Variants in MOCOS observed in about 807,000 individuals in gnomAD.
MOCOS encodes human molybdenum cofactor sulfurase.
Under a neutral mutation model 83.6 loss-of-function variants are expected in MOCOS, and 86 were observed. The observed-to-expected ratio is 1.03, with a 90% CI of 0.86 to 1.23. MOCOS has a LOEUF of 1.23. Among genes scored for constraint, MOCOS ranks in the 50% most tolerant of loss-of-function variants. The pLI, the probability that MOCOS is intolerant of heterozygous loss-of-function variation, is 0.00. For synonymous variants in MOCOS, 445 were observed against 434.7 expected, an observed-to-expected ratio of 1.02 and a Z score of -0.29; for missense variants, 1,120 against 1,126.9, an observed-to-expected ratio of 0.99 and a Z score of 0.09.
intron 11 of MOCOS, 149 bp downstream of exon 11, chr18:36,251,432 G>A: frequency 9.1e-7 from 1 of 1,104,324 alleles, no homozygotes; most frequent in South Asian, 1.3e-5. Flanking sequence ...TACTGCAGTA[G>A]CCCCAGGTCA....
intron 12 of MOCOS, 76 bp downstream of exon 12, chr18:36,257,149 G>A (rs1482012706): frequency 8.0e-7 from 1 of 1,255,648 alleles, no homozygotes; most frequent in African/African-American, 1.5e-5. Flanking sequence ...CACCTGCCTG[G>A]AGCGGAGAGA....
intron 8 of MOCOS, among the ~76,000 whole-genome samples, chr18:36,217,719 A>C (rs1057455711): frequency 2.6e-5 from 4 of 152,198 alleles, no homozygotes; most frequent in Non-Finnish European, 5.9e-5. Context: ...ATCCTTGCTA[A>C]AATAAAGGTT....
chr18:36,201,663 C>CAAAAAAAAAAAAAAAAAAAA (rs200846253), intron 4 of MOCOS, among the ~76,000 whole-genome samples: 2 of 69,444 alleles, frequency 2.9e-5, no homozygotes, highest in Non-Finnish European at 5.5e-5. Context: ...ACTCCATCTC[C>CAAAAAAAAAAAAAAAAAAAA]AAAAAAAAAA....
chr18:36,214,823 T>C (rs1272618571), intron 7 of MOCOS, among the ~76,000 whole-genome samples: 1 of 152,206 alleles, frequency 6.6e-6, no homozygotes, highest in African/African-American at 2.4e-5. Flanking sequence ...TTTGGTCCTA[T>C]GGAACGCTGT....
At chr18:36,196,734 T>C (rs138297445) in intron 2 of MOCOS, among the ~76,000 whole-genome samples, 7 of 151,872 alleles carry the variant, frequency 4.6e-5, no homozygotes, top group African/African-American at 1.7e-4. Flanking sequence ...AGAGTTGAGA[T>C]TGCAGGTGGT....
chr18:36,202,294 ATAAT>A (rs1249837320), intron 4 of MOCOS, among the ~76,000 whole-genome samples: 9 of 28,912 alleles, frequency 3.1e-4, no homozygotes, highest in African/African-American at 1.1e-3. Flanking sequence ...TGATCAATAA[ATAAT>A]TGTCAATCAA....
chr18:36,225,991 C>T (rs926952918), intron 9 of MOCOS, among the ~76,000 whole-genome samples: 10 of 150,572 alleles, frequency 6.6e-5, no homozygotes, highest in Non-Finnish European at 8.8e-5. Flanking sequence ...GAGAAAGATC[C>T]GTGTGTGCCT....
rs2091346501 is a variant in MOCOS at position 36,187,630 on chromosome 18, G to A, written c.91G>A (p.Gly31Ser). 2 of 1,250,256 alleles carry A rather than the reference G, an allele frequency of 1.6e-6. No homozygotes were observed. The highest frequency in any genetic ancestry group is 2.0e-6 in the Non-Finnish European group (2 of 997,012). 77.4% of individuals were successfully genotyped at this position (1,250,256 alleles called of 1,614,324 possible). A position where few individuals can be genotyped will look rare whatever the true frequency, so the allele number is the denominator to read the frequency against. ...PSAPRLAYGYGPGSLRELRAR... is the reference protein window; with the variant it reads ...PSAPRLAYGYSPGSLRELRAR... ...CGCACCGCGGCTAGCCTACGGCTACGGCCCGGGCAGCCTGCGCGAGCTGCG... is the reference window on the plus strand; with the variant it reads ...CGCACCGCGGCTAGCCTACGGCTACAGCCCGGGCAGCCTGCGCGAGCTGCG... Residue 31 changes from glycine (G) to serine (S), a missense_variant, in exon 1 of 15, where the codon GGC becomes AGC. Gly to Ser is a moderately conservative substitution (Grantham distance 56). Transcript: ENST00000261326.
intron 9 of MOCOS, among the ~76,000 whole-genome samples, chr18:36,220,485 G>T (rs111740027): frequency 1.3e-5 from 2 of 152,238 alleles, no homozygotes; most frequent in African/African-American, 4.8e-5. Context: ...TTCCGGCCTG[G>T]GCGACAGAGC....
In MOCOS at chr18:36,248,950, G is replaced by T; in HGVS notation, c.1989G>T (p.Glu663Asp). 2 of 1,614,138 alleles carry T rather than the reference G, an allele frequency of 1.2e-6. No homozygotes were observed. Among genetic ancestry groups the T allele is most frequent in the African/African-American group, 1.3e-5 (1 of 75,032 alleles). ...KGMEPIEVPL[E>D]ENSERTQIRQ... ...TGGAGCCTATAGAGGTGCCTCTTGA[G>T]GAAAATAGTGAACGGACTCAGATTC... Residue 663 changes from glutamate (E) to aspartate (D), a missense_variant, in exon 10 of 15, where the codon GAG becomes GAT. By Grantham distance (45) the Glu-to-Asp change is conservative. Coordinates refer to ENST00000261326, the MANE Select transcript of MOCOS (RefSeq NM_017947.4).
chr18:36,213,692 G>A, intron 7 of MOCOS, among the ~76,000 whole-genome samples: 1 of 152,230 alleles, frequency 6.6e-6, no homozygotes, highest in Non-Finnish European at 1.5e-5. Context: ...ACTTTGGGAG[G>A]CCGAGGCAGG....
chr18:36,202,823 A>G (rs2091419886), intron 4 of MOCOS, among the ~76,000 whole-genome samples: 1 of 152,204 alleles, frequency 6.6e-6, no homozygotes, highest in Non-Finnish European at 1.5e-5. Flanking sequence ...GAGACAGAGA[A>G]GAGCCCAGGG....
At chr18:36,244,416 T>C (rs898164132) in intron 9 of MOCOS, among the ~76,000 whole-genome samples, 4 of 152,164 alleles carry the variant, frequency 2.6e-5, no homozygotes, top group African/African-American at 4.8e-5. Context: ...TTAATTTCCA[T>C]GTCTTTGTAT....
At chr18:36,257,738 G>A (rs1341037227) in intron 12 of MOCOS, among the ~76,000 whole-genome samples, 1 of 152,142 alleles carries the variant, frequency 6.6e-6, no homozygotes, top group Non-Finnish European at 1.5e-5. Context: ...GACTGGGACG[G>A]GCTCCTCATT....
intron 9 of MOCOS, among the ~76,000 whole-genome samples, chr18:36,240,842 GT>G (rs2091579396): frequency 6.6e-6 from 1 of 152,034 alleles, no homozygotes; most frequent in Non-Finnish European, 1.5e-5. Context: ...GTGGTGCGCC[GT>G]TTTTTAAGCC....
intron 1 of MOCOS, among the ~76,000 whole-genome samples, chr18:36,189,184 C>T (rs2091355524): frequency 6.6e-6 from 1 of 152,138 alleles, no homozygotes; most frequent in African/African-American, 2.4e-5. Context: ...CTGGTCCCCT[C>T]CTGGTTTCAC....
chr18:36,215,030 T>C (rs1424347319), intron 7 of MOCOS, among the ~76,000 whole-genome samples: 2 of 152,354 alleles, frequency 1.3e-5, no homozygotes, highest in East Asian at 3.9e-4. Flanking sequence ...GCTGGTCATT[T>C]GCAGGGGCAG....
chr18:36,209,699 ATGT>A (rs1320556042), intron 6 of MOCOS, among the ~76,000 whole-genome samples: 3 of 152,156 alleles, frequency 2.0e-5, no homozygotes, highest in Non-Finnish European at 4.4e-5. Context: ...GTAGTATTCC[ATGT>A]TGTGTATATA....
rs186700559 is a variant in MOCOS, at chr18:36,211,337, A to G, written c.1219-2029A>G. Among the ~76,000 whole-genome samples, 124 of 151,480 alleles carry G rather than the reference A, an allele frequency of 8.2e-4. 2 individuals carry two copies. Among genetic ancestry groups the G allele is most frequent in the African/African-American group, 3.0e-3 (121 of 40,774 alleles). On this transcript the variant is annotated intron_variant, in intron 6 of 14. Coordinates refer to ENST00000261326, the MANE Select transcript of MOCOS (RefSeq NM_017947.4). ...CACTGCATGGTGATTAAGAGCAGGG[A>G]CTCAGAGTCTGTCTGCCTCTTGCCA...
Sources: gnomAD v4.1 joint callset for allele counts (sites outside exome capture counted in the v4.1 genomes callset) on GRCh38, gnomAD v4.1.1 for gene constraint, MANE v1.5 for transcripts, NCBI Gene and HGNC (gene_info 2026-07-23, HGNC 2026-07-21) for gene names.